HMGCLL1: variants seen among roughly 807,000 people sequenced by gnomAD.
HMGCLL1 encodes 3-hydroxy-3-methylglutaryl-CoA lyase like 1.
A neutral mutation model predicts 39.1 loss-of-function variants in HMGCLL1; 36 were observed. The observed-to-expected ratio is 0.92, with a 90% CI of 0.71 to 1.22. The LOEUF (loss-of-function observed/expected upper bound fraction) is 1.22. Ranked by LOEUF, HMGCLL1 falls within the 50% of genes most tolerant of loss-of-function variation. HMGCLL1 has a pLI of 0.00. For synonymous variants in HMGCLL1, 149 were observed against 144.0 expected (o/e 1.03, Z -0.25); for missense variants, 451 against 416.5 (o/e 1.08, Z -0.72).
At chr6:55,439,893 T>A (rs2127380440) in intron 7 of HMGCLL1, among the ~76,000 whole-genome samples, 1 of 152,262 alleles carries the variant, frequency 6.6e-6, no homozygotes, top group South Asian at 2.1e-4. Flanking sequence ...TCACATATTA[T>A]CCAATTCTCT....
chr6:55,590,009 A>G, the HMGCLL1 span, among the ~76,000 whole-genome samples: 7 of 152,216 alleles, frequency 4.6e-5, no homozygotes, highest in South Asian at 1.4e-3. Context: ...TGCCATCCCC[A>G]TCAAGCTACC....
At chr6:55,514,759 G>T (rs1767647939) in intron 4 of HMGCLL1, among the ~76,000 whole-genome samples, 1 of 151,900 alleles carries the variant, frequency 6.6e-6, no homozygotes, top group African/African-American at 2.4e-5. Context: ...TGATCTTTTT[G>T]TCAGTCTTTA....
chr6:55,617,538 C>A, the HMGCLL1 span, among the ~76,000 whole-genome samples: 1 of 152,082 alleles, frequency 6.6e-6, no homozygotes, highest in African/African-American at 2.4e-5. Flanking sequence ...CTGAAGATAT[C>A]ATACTAAGCT....
chr6:55,625,073 G>A, the HMGCLL1 span, among the ~76,000 whole-genome samples: 131 of 152,222 alleles, frequency 8.6e-4, no homozygotes, highest in African/African-American at 3.1e-3. Context: ...GCCTTTGGCA[G>A]GTTCCAATAG....
At chr6:55,656,976 C>T in the HMGCLL1 span, among the ~76,000 whole-genome samples, 1 of 151,874 alleles carries the variant, frequency 6.6e-6, no homozygotes, top group African/African-American at 2.4e-5. Context: ...AAAGAAAAGA[C>T]CACAGAATTT....
intron 3 of HMGCLL1, among the ~76,000 whole-genome samples, chr6:55,534,016 G>T (rs1027651672): frequency 1.3e-5 from 2 of 151,784 alleles, no homozygotes; most frequent in Non-Finnish European, 2.9e-5. Flanking sequence ...CTACAGTAAA[G>T]ACAGTGATTT....
intron 7 of HMGCLL1, among the ~76,000 whole-genome samples, chr6:55,466,925 G>C (rs553139698): frequency 9.2e-5 from 14 of 152,014 alleles, no homozygotes; most frequent in Middle Eastern, 3.2e-3. Flanking sequence ...TGAGGCCTTT[G>C]AAGTTTTGGC....
chr6:55,454,581 G>C (rs1168990468), intron 7 of HMGCLL1, among the ~76,000 whole-genome samples: 1 of 152,220 alleles, frequency 6.6e-6, no homozygotes, highest in South Asian at 2.1e-4. Flanking sequence ...ATGTGGTACA[G>C]AGTATGGGCT....
chr6:55,655,546 A>AGATAGATAGATAGAT, the HMGCLL1 span, among the ~76,000 whole-genome samples: 3 of 151,292 alleles, frequency 2.0e-5, no homozygotes, highest in African/African-American at 4.9e-5. Context: ...GTAGATAGAT[A>AGATAGATAGATAGAT]GATAGATAGA....
intron 3 of HMGCLL1, among the ~76,000 whole-genome samples, chr6:55,536,748 T>A (rs910043354): frequency 6.6e-6 from 1 of 152,186 alleles, no homozygotes; most frequent in Non-Finnish European, 1.5e-5. Flanking sequence ...AGGTGTGGGA[T>A]CCTGTTTTAT....
At chr6:55,492,805 C>A (rs1388014253) in intron 7 of HMGCLL1, among the ~76,000 whole-genome samples, 1 of 152,096 alleles carries the variant, frequency 6.6e-6, no homozygotes, top group African/African-American at 2.4e-5. Context: ...GCTTTCCTAG[C>A]CCCCTTCCCT....
At chr6:55,662,105 T>C in the HMGCLL1 span, among the ~76,000 whole-genome samples, 1 of 151,884 alleles carries the variant, frequency 6.6e-6, no homozygotes, top group Non-Finnish European at 1.5e-5. Flanking sequence ...CACGAAGTTT[T>C]CCAGATATAG....
At chr6:55,660,875 C>T in the HMGCLL1 span, among the ~76,000 whole-genome samples, 2 of 151,874 alleles carry the variant, frequency 1.3e-5, no homozygotes, top group Non-Finnish European at 2.9e-5. Flanking sequence ...TTAACCTTGC[C>T]AGCATCTGTT....
chr6:55,445,909 T>A (rs1033282307), intron 7 of HMGCLL1, among the ~76,000 whole-genome samples: 2 of 152,080 alleles, frequency 1.3e-5, no homozygotes, highest in African/African-American at 4.8e-5. Flanking sequence ...CTGTAAATAG[T>A]AAATAGTTTT....
the HMGCLL1 span, among the ~76,000 whole-genome samples, chr6:55,678,029 C>G: frequency 6.6e-6 from 1 of 152,130 alleles, no homozygotes; most frequent in Admixed American, 6.5e-5. Flanking sequence ...TGAACATACT[C>G]TAGCCTCCAG....
At chr6:55,513,673 A>T (rs1440008497) in intron 5 of HMGCLL1, 1 of 204,384 alleles carries the variant, frequency 4.9e-6, no homozygotes, top group Admixed American at 6.0e-5. Flanking sequence ...TTTAAAAAAA[A>T]TTTGAAAACC....
chr6:55,528,970 G>A (rs1768482276), intron 3 of HMGCLL1, among the ~76,000 whole-genome samples: 1 of 151,940 alleles, frequency 6.6e-6, no homozygotes, highest in South Asian at 2.1e-4. Context: ...ATAGACCCAG[G>A]CTACCCAAAT....
At chr6:55,598,488 C>A in the HMGCLL1 span, among the ~76,000 whole-genome samples, 1 of 152,124 alleles carries the variant, frequency 6.6e-6, no homozygotes, top group Non-Finnish European at 1.5e-5. Context: ...CAGTCAATAG[C>A]AGCCTTCCTC....
chr6:55,676,013 C>T, the HMGCLL1 span, among the ~76,000 whole-genome samples: 10 of 152,100 alleles, frequency 6.6e-5, no homozygotes, highest in Non-Finnish European at 1.3e-4. Context: ...TATCTGGCCA[C>T]CTACAGCCAA....
Sources: gnomAD v4.1 joint callset for allele counts (sites outside exome capture counted in the v4.1 genomes callset) on GRCh38, gnomAD v4.1.1 for gene constraint, MANE v1.5 for transcripts, NCBI Gene and HGNC (gene_info 2026-07-23, HGNC 2026-07-21) for gene names.